WDHD1: variants seen among roughly 807,000 people sequenced by gnomAD.
The protein encoded by WDHD1 is WD repeat and HMG-box DNA-binding protein 1.
A neutral mutation model predicts 135.4 loss-of-function variants in WDHD1; 111 were observed. The ratio of observed to expected loss-of-function variants is 0.82; its 90% CI spans 0.70 to 0.96. The LOEUF is 0.96. WDHD1 is among the 40% of genes least tolerant of loss of function. The probability of loss-of-function intolerance (pLI) is 0.00; values close to 1 mark genes in which losing one functional copy is unlikely to be tolerated. For missense variants in WDHD1, 1,351 were observed against 1,336.3 expected, an observed-to-expected ratio of 1.01 and a Z score of -0.17; for synonymous variants, 434 against 439.0, an observed-to-expected ratio of 0.99 and a Z score of 0.14.
intron 10 of WDHD1, among the ~76,000 whole-genome samples, chr14:54,996,942 C>T (rs138913640): frequency 0.028 from 4,258 of 151,906 alleles, 185 homozygotes; most frequent in African/African-American, 0.098. Context: ...CAGGCGCATG[C>T]CACCATGCCC....
intron 21 of WDHD1, among the ~76,000 whole-genome samples, chr14:54,960,942 G>A (rs563683792): frequency 5.1e-4 from 78 of 152,202 alleles, no homozygotes; most frequent in African/African-American, 1.8e-3. Context: ...TGGGACTACC[G>A]GTGTGTACTA....
chr14:54,950,949 C>T (rs866460633), intron 24 of WDHD1, among the ~76,000 whole-genome samples: 1 of 151,984 alleles, frequency 6.6e-6, no homozygotes, highest in African/African-American at 2.4e-5. Flanking sequence ...TTGAAACCAA[C>T]GAGAACAAAG....
intron 7 of WDHD1, among the ~76,000 whole-genome samples, chr14:55,003,094 A>G (rs2140216299): frequency 6.6e-6 from 1 of 152,320 alleles, no homozygotes; most frequent in Non-Finnish European, 1.5e-5. Flanking sequence ...GATTAGTAAC[A>G]TATAATAAAA....
At chr14:55,008,285 A>C (rs762392646) in intron 6 of WDHD1, 31 bp downstream of exon 6, 1 of 1,604,516 alleles carries the variant, frequency 6.2e-7, no homozygotes, top group Non-Finnish European at 8.5e-7. Context: ...GAAATGGGCA[A>C]AAAACTTTAA....
intron 10 of WDHD1, among the ~76,000 whole-genome samples, chr14:54,998,259 C>T (rs902248672): frequency 2.6e-5 from 4 of 151,638 alleles, no homozygotes; most frequent in African/African-American, 4.8e-5. Flanking sequence ...ATGATGAAGG[C>T]GATAAAATGT....
In WDHD1 at chr14:54,972,398, T is replaced by C. The variant is rs544911249; in HGVS notation, c.2064-5004A>G. On this transcript the variant is annotated intron_variant, in intron 16 of 25. Transcript: ENST00000360586. ...CTCGAGACCAGCCTGGCCAATGTGG[T>C]GAAAACCCATCTCTACTAAAAATAC... is the stretch of plus-strand genomic sequence containing the variant. Among the ~76,000 whole-genome samples, 189 of 148,972 alleles carry C rather than the reference T, an allele frequency of 1.3e-3. 1 individual carries two copies. Among genetic ancestry groups the C allele is most frequent in the African/African-American group, 4.5e-3 (182 of 40,552 alleles).
In WDHD1 at chr14:54,995,762, T is replaced by A. The variant is rs751601474; in HGVS notation, c.994A>T (p.Met332Leu). ...DYNDLFDGDD[M>L]SNAGDFLNDN... ...TTTAGAAAATCACCAGCATTACTCA[T>A]ATCATCTCCATCAAAAAGATCATTA... The change falls in exon 11 of 26, where the codon ATG becomes TTG. Residue 332 changes from methionine (M) to leucine (L), a missense_variant. Transcript: ENST00000360586. 9 of 1,612,668 alleles carry A rather than the reference T, an allele frequency of 5.6e-6. No homozygotes were observed.
At chr14:54,956,055 G>A (rs973315164) in intron 23 of WDHD1, among the ~76,000 whole-genome samples, 7 of 151,780 alleles carry the variant, frequency 4.6e-5, no homozygotes, top group East Asian at 3.9e-4. Context: ...CTGCCACCGC[G>A]GCTGGCCTAA....
chr14:55,020,823 CAT>C (rs1232138184), intron 2 of WDHD1, among the ~76,000 whole-genome samples: 1 of 152,124 alleles, frequency 6.6e-6, no homozygotes, highest in African/African-American at 2.4e-5. Context: ...ACAATTAACA[CAT>C]ATTTTGTCTA....
rs1227483093 is a variant in WDHD1, at chr14:54,941,507, C to A, written c.3373G>T (p.Ala1125Ser). The part of the protein sequence containing the change: ...FSTNQKLSAF[A>S]FKQE ...TTCTTCCTTTACTCCTGCTTAAATG[C>A]AAAAGCTGATAGTTTCTGATTTGTA... The change falls in exon 26 of 26, where the codon GCA becomes TCA. Residue 1125 changes from alanine to serine, a missense_variant. Transcript: ENST00000360586. The A allele has an allele frequency of 6.2e-7, 1 of 1,611,218 alleles. No homozygotes were observed. Among genetic ancestry groups the A allele is most frequent in the East Asian group, 2.2e-5 (1 of 44,844 alleles).
In WDHD1 at chr14:54,953,577, A is replaced by T. The variant is rs1344910791; in HGVS notation, c.3050+1984T>A. ...AAGGCGGTGTGGCGATTCCTCAAGG[A>T]TCTAGAACTAGAAATACCATTTGAC... On this transcript the variant is annotated intron_variant, in intron 24 of 25. Transcript: ENST00000360586. 2.0e-5 allele frequency among the ~76,000 whole-genome samples: 3 copies of T among 152,214 alleles called. No individual in the cohort carries two copies. The South Asian group carries it at 6.2e-4, about 31-fold the overall frequency.
chr14:55,026,986 G>A (rs1456399506), intron 1 of WDHD1, 42 bp downstream of exon 1: 8 of 583,616 alleles, frequency 1.4e-5, no homozygotes, highest in African/African-American at 5.6e-5. Flanking sequence ...AAGGGAACAC[G>A]CATCTCCTTG....
In WDHD1 at chr14:54,959,445, C is replaced by G. The variant is rs370145008; in HGVS notation, c.2702-1810G>C. Reference sequence around the variant, plus strand: ...GGAAGAAGGAAGGGAGGGAGGGAGGCAGGCAGGCAGGCAGGCAGGCAGGCA... The same window carrying G: ...GGAAGAAGGAAGGGAGGGAGGGAGGGAGGCAGGCAGGCAGGCAGGCAGGCA... On this transcript the variant is annotated intron_variant, in intron 21 of 25. Transcript: ENST00000360586. Among the ~76,000 whole-genome samples the G allele has an allele frequency of 2.1e-4, 32 of 149,320 alleles. 1 individual carries two copies. Among genetic ancestry groups the G allele is most frequent in the Admixed American group, 1.4e-3 (21 of 14,912 alleles).
chr14:54,957,306 T>A (rs1297583148), intron 22 of WDHD1, 102 bp from the exon 23 acceptor site: 3 of 1,278,992 alleles, frequency 2.3e-6, no homozygotes, highest in East Asian at 2.4e-5. Flanking sequence ...TGTATTGCCA[T>A]CTCATCTTTA....
intron 16 of WDHD1, among the ~76,000 whole-genome samples, chr14:54,974,432 CAA>C (rs1400309694): frequency 2.9e-5 from 3 of 102,110 alleles, no homozygotes; most frequent in Admixed American, 1.0e-4. Flanking sequence ...GATTCTGTCT[CAA>C]AAAAAAAAAA....
intron 12 of WDHD1, among the ~76,000 whole-genome samples, chr14:54,990,527 C>T (rs1419646027): frequency 3.3e-5 from 5 of 150,278 alleles, no homozygotes; most frequent in South Asian, 2.1e-4. Context: ...ACCTGGGAGG[C>T]GGAGCTTGCA....
At chr14:54,941,759 T>C in intron 25 of WDHD1, 69 bp from the exon 26 acceptor site, 1 of 1,355,334 alleles carries the variant, frequency 7.4e-7, no homozygotes, top group Non-Finnish European at 1.0e-6. Flanking sequence ...AAATGATTTA[T>C]TTACTTTTCC....
intron 7 of WDHD1, 58 bp from the exon 8 acceptor site, chr14:55,002,243 G>C (rs1358008922): frequency 4.2e-6 from 5 of 1,189,862 alleles, no homozygotes; most frequent in Non-Finnish European, 4.8e-6. Flanking sequence ...ATTTGAAGAA[G>C]GAAAAAGGCA....
intron 16 of WDHD1, among the ~76,000 whole-genome samples, chr14:54,979,196 G>A (rs2041577711): frequency 6.6e-6 from 1 of 151,946 alleles, no homozygotes; most frequent in South Asian, 2.1e-4. Context: ...CTGTCGCCTA[G>A]ACAGGAGTGC....
Sources: allele counts gnomAD v4.1 joint callset (sites outside exome capture counted in the v4.1 genomes callset), GRCh38; gene constraint gnomAD v4.1.1; transcripts MANE v1.5; gene names NCBI Gene and HGNC (gene_info 2026-07-23, HGNC 2026-07-21).